The following PLAC1 variants were observed in gnomAD, a reference collection of about 807,000 sequenced individuals.
PLAC1 encodes placenta-specific protein 1.
For missense variants in PLAC1, 136 were observed against 163.2 expected, an observed-to-expected ratio of 0.83 and a Z score of 0.91; for synonymous variants, 68 against 62.1, an observed-to-expected ratio of 1.09 and a Z score of -0.44.
At chrX:134,692,718 T>G (rs1007028724) in intron 2 of PLAC1, among the ~76,000 whole-genome samples, 1 of 111,564 alleles carries the variant, frequency 9.0e-6, no homozygotes, top group African/African-American at 3.3e-5. Flanking sequence ...AAATTATTCC[T>G]TCAGAGTCCA....
At chrX:134,610,008 C>T (rs771309805) in intron 1 of PLAC1, among the ~76,000 whole-genome samples, 2 of 110,402 alleles carry the variant, frequency 1.8e-5, no homozygotes, top group East Asian at 2.8e-4. Context: ...GAGACAGTCT[C>T]GCTCTGTCAC....
At chrX:134,702,474 T>C (rs749944426) in intron 2 of PLAC1, among the ~76,000 whole-genome samples, 69 of 112,164 alleles carry the variant, frequency 6.2e-4, no homozygotes, top group African/African-American at 2.0e-3. Flanking sequence ...GAGGCCATTA[T>C]CCTAAGTGAA....
chrX:134,567,506 A>G (rs1029046255), intron 2 of PLAC1, among the ~76,000 whole-genome samples: 6 of 111,715 alleles, frequency 5.4e-5, no homozygotes, highest in African/African-American at 1.6e-4. Flanking sequence ...CCATAATCCC[A>G]GCATTCTAGG....
intron 1 of PLAC1, among the ~76,000 whole-genome samples, chrX:134,640,801 A>G: frequency 8.9e-6 from 1 of 112,356 alleles, no homozygotes; most frequent in South Asian, 3.7e-4. Context: ...GCTGTCAACA[A>G]AACAACCTTA....
intron 2 of PLAC1, among the ~76,000 whole-genome samples, chrX:134,725,629 T>A (rs1025133978): frequency 1.8e-5 from 2 of 112,332 alleles, no homozygotes; most frequent in African/African-American, 6.5e-5. Flanking sequence ...ACTATCTAGG[T>A]CATTCCCCTG....
At chrX:134,630,939 C>A (rs767695249) in intron 1 of PLAC1, among the ~76,000 whole-genome samples, 3 of 111,367 alleles carry the variant, frequency 2.7e-5, no homozygotes, top group Non-Finnish European at 5.7e-5. Flanking sequence ...AGTGGGTACT[C>A]AAAGAATACT....
chrX:134,731,599 G>A (rs750633596), intron 2 of PLAC1, among the ~76,000 whole-genome samples: 5 of 111,784 alleles, frequency 4.5e-5, no homozygotes, highest in East Asian at 2.8e-4. Flanking sequence ...TAGCAATATC[G>A]TAGGCCTACT....
At chrX:134,570,462 A>G (rs947109316) in intron 2 of PLAC1, among the ~76,000 whole-genome samples, 1 of 111,329 alleles carries the variant, frequency 9.0e-6, no homozygotes, top group African/African-American at 3.3e-5. Flanking sequence ...GGGACTGGGG[A>G]AGAAATAAAT....
intron 1 of PLAC1, among the ~76,000 whole-genome samples, chrX:134,757,612 G>A (rs948092015): frequency 6.3e-5 from 7 of 111,520 alleles, no homozygotes; most frequent in East Asian, 2.8e-4. Flanking sequence ...TGGGGCAATC[G>A]GGAAATTTGA....
At chrX:134,664,981 C>T (rs1412682795) in intron 2 of PLAC1, among the ~76,000 whole-genome samples, 2 of 111,932 alleles carry the variant, frequency 1.8e-5, no homozygotes, top group East Asian at 5.6e-4. Context: ...AAACTCCCCG[C>T]TATATTTCCA....
At chrX:134,616,694 G>A (rs1251136197) in intron 1 of PLAC1, among the ~76,000 whole-genome samples, 1 of 111,297 alleles carries the variant, frequency 9.0e-6, no homozygotes, top group Non-Finnish European at 1.9e-5. Flanking sequence ...GGTCTTTTGT[G>A]GTTCCACACA....
chrX:134,621,626 T>C (rs754673671), intron 1 of PLAC1, among the ~76,000 whole-genome samples: 28 of 110,981 alleles, frequency 2.5e-4, no homozygotes, highest in Middle Eastern at 4.6e-3. Context: ...TGGCTGAGTA[T>C]GTTCACTCTC....
intron 2 of PLAC1, among the ~76,000 whole-genome samples, chrX:134,694,788 A>T (rs892459508): frequency 8.9e-6 from 1 of 111,836 alleles, no homozygotes; most frequent in Non-Finnish European, 1.9e-5. Flanking sequence ...GAGTTACCAA[A>T]CTATTTATAT....
In PLAC1 at chrX:134,656,672, T is replaced by C. The variant is rs2147802710; in HGVS notation, c.-131+1656A>G. Among the ~76,000 whole-genome samples the C allele has an allele frequency of 2.7e-5, 3 of 111,488 alleles. 1 individual carries two copies. The South Asian group carries it at 1.1e-3, about 43-fold the overall frequency. ...TGATGATGGCTCACTGCAGCTTCGATCTCCTGGGCTCAAGTGATCCTCCCA... is the reference window on the plus strand; with the variant it reads ...TGATGATGGCTCACTGCAGCTTCGACCTCCTGGGCTCAAGTGATCCTCCCA... On this transcript the variant is annotated intron_variant, in intron 1 of 2. Transcript: ENST00000359237.
intron 1 of PLAC1, among the ~76,000 whole-genome samples, chrX:134,762,593 G>T (rs1450287751): frequency 1.8e-5 from 2 of 110,454 alleles, no homozygotes; most frequent in Admixed American, 9.7e-5. Flanking sequence ...ACTTTGGGAG[G>T]CCGAGGCGGG....
intron 2 of PLAC1, among the ~76,000 whole-genome samples, chrX:134,717,920 A>G (rs2078647914): frequency 9.0e-6 from 1 of 110,906 alleles, no homozygotes; most frequent in African/African-American, 3.3e-5. Flanking sequence ...CTCATTTCCA[A>G]CCCTATTTGA....
chrX:134,680,604 T>TAAACTAAACTAAACA (rs56218238), intron 2 of PLAC1, among the ~76,000 whole-genome samples: 19,640 of 102,378 alleles, frequency 0.19, 1,685 homozygotes, highest in Non-Finnish European at 0.25. Context: ...TAAACTAAAC[T>TAAACTAAACTAAACA]AAACACCTTC....
chrX:134,735,211 C>G (rs2147844989), intron 1 of PLAC1, among the ~76,000 whole-genome samples: 2 of 111,596 alleles, frequency 1.8e-5, no homozygotes, highest in South Asian at 7.5e-4. Flanking sequence ...AGCTGGGGAT[C>G]AAATTCAGGC....
chrX:134,589,924 G>A (rs772139376), intron 2 of PLAC1, among the ~76,000 whole-genome samples: 60 of 110,610 alleles, frequency 5.4e-4, no homozygotes, highest in Admixed American at 1.6e-3. Context: ...GGCCGGGCGC[G>A]GTGGCTCACG....
Sources: allele counts gnomAD v4.1 joint callset (sites outside exome capture counted in the v4.1 genomes callset), GRCh38; gene constraint gnomAD v4.1.1; transcripts MANE v1.5; gene names NCBI Gene and HGNC (gene_info 2026-07-23, HGNC 2026-07-21).